IQGAP1: variants seen among roughly 807,000 people sequenced by gnomAD.
The protein encoded by IQGAP1 is IQ motif containing GTPase activating protein 1, also known as ras GTPase-activating-like protein IQGAP1.
A neutral mutation model predicts 215.6 loss-of-function variants in IQGAP1; 66 were observed. That is an observed-to-expected ratio of 0.31 (90% CI 0.25 to 0.38). IQGAP1 has a LOEUF of 0.38. IQGAP1 is among the 10% of genes least tolerant of loss of function. The probability of loss-of-function intolerance (pLI) is 1.00; values close to 1 mark genes in which losing one functional copy is unlikely to be tolerated. For missense variants in IQGAP1, 1,712 were observed against 1,997.1 expected (o/e 0.86, Z 2.72); for synonymous variants, 772 against 728.7 (o/e 1.06, Z -0.96).
chr15:90,456,080 A>G (rs942266506), intron 14 of IQGAP1, 72 bp from the exon 15 acceptor site: 5 of 1,290,734 alleles, frequency 3.9e-6, no homozygotes, highest in Non-Finnish European at 3.3e-6. Context: ...ATTAGTTAGC[A>G]TGTTCCATGA....
chr15:90,452,320 A>C (rs550003830), intron 11 of IQGAP1, among the ~76,000 whole-genome samples: 32 of 152,228 alleles, frequency 2.1e-4, no homozygotes, highest in Non-Finnish European at 3.2e-4. Flanking sequence ...TGGGAGCGGA[A>C]GTACAGGTAG....
chr15:90,497,403 A>G (rs552258515), intron 37 of IQGAP1, 63 bp downstream of exon 37: 1 of 825,940 alleles, frequency 1.2e-6, no homozygotes, highest in Non-Finnish European at 2.1e-6. Flanking sequence ...AGTAGGAGAA[A>G]TAGATAAAGA....
intron 4 of IQGAP1, among the ~76,000 whole-genome samples, chr15:90,430,578 C>T (rs1259183734): frequency 1.3e-5 from 2 of 151,930 alleles, no homozygotes; most frequent in African/African-American, 2.4e-5. Context: ...TGGGGAAAAA[C>T]GGTTGAAGGT....
intron 1 of IQGAP1, among the ~76,000 whole-genome samples, chr15:90,390,317 G>A (rs1426377490): frequency 3.3e-5 from 5 of 152,226 alleles, no homozygotes; most frequent in Non-Finnish European, 5.9e-5. Flanking sequence ...TTCTTCGTCT[G>A]TAAAATAGGA....
chr15:90,465,200 G>A (rs927177903), intron 15 of IQGAP1, among the ~76,000 whole-genome samples: 2 of 152,238 alleles, frequency 1.3e-5, no homozygotes, highest in African/African-American at 4.8e-5. Flanking sequence ...TGCCTGTAGT[G>A]ACTTCTGGCT....
At chr15:90,421,070 G>GA (rs1965128022) in intron 2 of IQGAP1, among the ~76,000 whole-genome samples, 2 of 152,252 alleles carry the variant, frequency 1.3e-5, no homozygotes, top group African/African-American at 4.8e-5. Context: ...CCGGAAGCCA[G>GA]AGGTTGCAAT....
chr15:90,392,751 T>TTTTTG (rs1964653390), intron 2 of IQGAP1, among the ~76,000 whole-genome samples: 1 of 142,738 alleles, frequency 7.0e-6, no homozygotes, highest in Non-Finnish European at 1.5e-5. Flanking sequence ...TTTCTATCTT[T>TTTTTG]TTTTTTTTTT....
At chr15:90,474,000 G>A (rs1145325) in intron 21 of IQGAP1, 33 bp downstream of exon 21, 1,536,473 of 1,609,962 alleles carry the variant, frequency 0.95, 733,511 homozygotes, top group East Asian at 1. Flanking sequence ...GGCCATTAGG[G>A]GCAATTTTGC....
chr15:90,448,463 C>CT (rs1965554654), intron 9 of IQGAP1, 110 bp from the exon 10 acceptor site: 2 of 972,154 alleles, frequency 2.1e-6, no homozygotes. Context: ...TAAAGGCTCT[C>CT]TGAGTTATAT....
chr15:90,454,943 G>C (rs574098744), intron 14 of IQGAP1, among the ~76,000 whole-genome samples: 2 of 152,182 alleles, frequency 1.3e-5, no homozygotes, highest in Non-Finnish European at 2.9e-5. Context: ...TGAACAACTG[G>C]CTGCAAATTT....
At chr15:90,472,688 C>A (rs1057388897) in intron 18 of IQGAP1, 152 bp from the exon 19 acceptor site, 1 of 653,130 alleles carries the variant, frequency 1.5e-6, no homozygotes, top group Non-Finnish European at 2.5e-6. Context: ...AAAAAACAGA[C>A]CTGAGGGCTT....
chr15:90,417,119 A>G (rs1033280256), intron 2 of IQGAP1, among the ~76,000 whole-genome samples: 3 of 152,180 alleles, frequency 2.0e-5, no homozygotes, highest in East Asian at 1.9e-4. Flanking sequence ...CCTTTGTCAG[A>G]TAAGTATATT....
chr15:90,470,112 A>AT (rs1965885372), intron 18 of IQGAP1, among the ~76,000 whole-genome samples: 1 of 152,152 alleles, frequency 6.6e-6, no homozygotes, highest in Non-Finnish European at 1.5e-5. Context: ...CAGGGAAGGG[A>AT]TGCTACCTCA....
chr15:90,459,189 A>G lies in IQGAP1; in HGVS notation c.1776+2874A>G, dbSNP rs529240312. Among the ~76,000 whole-genome samples the G allele has an allele frequency of 7.2e-5, 11 of 152,346 alleles. No individual in the cohort carries two copies. The South Asian group carries it at 2.3e-3, about 32-fold the overall frequency. Reference sequence around the variant, plus strand: ...CTTAGTAAGCACTGAAAAGGAGGTCAATCACAATTAGAAAACAGATGTTAA... The same window carrying G: ...CTTAGTAAGCACTGAAAAGGAGGTCGATCACAATTAGAAAACAGATGTTAA... On this transcript the variant is annotated intron_variant, in intron 15 of 37. Transcript: ENST00000268182.
At chr15:90,437,427 G>A (rs1273564964) in intron 5 of IQGAP1, among the ~76,000 whole-genome samples, 1 of 151,984 alleles carries the variant, frequency 6.6e-6, no homozygotes, top group Non-Finnish European at 1.5e-5. Flanking sequence ...AGAAATTCTT[G>A]GAGAAAAATA....
At chr15:90,489,961 C>T (rs1248891968) in intron 33 of IQGAP1, among the ~76,000 whole-genome samples, 2 of 152,186 alleles carry the variant, frequency 1.3e-5, no homozygotes, top group African/African-American at 2.4e-5. Flanking sequence ...TGGCTAAGAT[C>T]ATCAGCTTGC....
At chr15:90,478,436 C>T (rs1966010349) in intron 26 of IQGAP1, among the ~76,000 whole-genome samples, 1 of 152,154 alleles carries the variant, frequency 6.6e-6, no homozygotes, top group South Asian at 2.1e-4. Context: ...ATGAGTGAAA[C>T]AGACATGCTT....
At position 90,473,952 on chromosome 15, in the gene IQGAP1, G is replaced by C; in HGVS notation, c.2490G>C (p.Gln830His). ...GAAAGCGCTATCGAGATCGCCTGCA[G>C]TACTTCCGGGACCATGTAAGCACCC... ...QARKRYRDRL[Q>H]YFRDHINDII... The change falls in exon 21 of 38, where the codon CAG (glutamine) becomes CAC (histidine). Residue 830 changes from glutamine to histidine, a missense_variant. Transcript: ENST00000268182. The C allele has an allele frequency of 2.5e-6, 4 of 1,614,056 alleles. No homozygotes were observed. Among genetic ancestry groups the C allele is most frequent in the Non-Finnish European group, 3.4e-6 (4 of 1,179,990 alleles).
At chr15:90,442,513 C>T (rs1567127561) in intron 8 of IQGAP1, among the ~76,000 whole-genome samples, 1 of 152,094 alleles carries the variant, frequency 6.6e-6, no homozygotes, top group South Asian at 2.1e-4. Context: ...GATGACAAAA[C>T]GAAGACAATC....
Sources: gnomAD v4.1 joint callset for allele counts (sites outside exome capture counted in the v4.1 genomes callset) on GRCh38, gnomAD v4.1.1 for gene constraint, MANE v1.5 for transcripts, NCBI Gene and HGNC (gene_info 2026-07-23, HGNC 2026-07-21) for gene names.